The following INPP4B variants were observed in gnomAD, a reference collection of about 807,000 sequenced individuals.
The protein encoded by INPP4B is inositol polyphosphate-4-phosphatase type II B, also known as inositol polyphosphate 4-phosphatase type II.
Under a neutral mutation model 122.5 loss-of-function variants are expected in INPP4B, and 55 were observed. That is an observed-to-expected ratio of 0.45 (90% CI 0.36 to 0.56). The LOEUF is 0.56. Ranked by LOEUF, INPP4B falls within the 20% of genes least tolerant of loss-of-function variation. The pLI, the probability that INPP4B is intolerant of heterozygous loss-of-function variation, is 0.00. For synonymous variants in INPP4B, 403 were observed against 388.7 expected (o/e 1.04, Z -0.43); for missense variants, 1,000 against 1,097.7 (o/e 0.91, Z 1.26).
chr4:142,159,401 T>C (rs1200622005), intron 17 of INPP4B, among the ~76,000 whole-genome samples: 1 of 152,032 alleles, frequency 6.6e-6, no homozygotes, highest in African/African-American at 2.4e-5. Flanking sequence ...AGCCCACCTC[T>C]GTCATTTTTG....
intron 2 of INPP4B, among the ~76,000 whole-genome samples, chr4:142,631,922 G>C (rs1348527285): frequency 6.6e-6 from 1 of 151,890 alleles, no homozygotes; most frequent in African/African-American, 2.4e-5. Context: ...CAGAAGCATG[G>C]TTGTGAAAGG....
At chr4:142,666,665 G>A (rs1179288581) in intron 2 of INPP4B, among the ~76,000 whole-genome samples, 3 of 152,092 alleles carry the variant, frequency 2.0e-5, no homozygotes, top group Admixed American at 2.0e-4. Context: ...ACATGTGTGT[G>A]TGTGTGTGTA....
chr4:142,536,831 C>T (rs1352846009), intron 2 of INPP4B, among the ~76,000 whole-genome samples: 2 of 152,090 alleles, frequency 1.3e-5, no homozygotes, highest in Admixed American at 1.3e-4. Flanking sequence ...CTTACTCTGT[C>T]ACCAGGCTGG....
intron 2 of INPP4B, among the ~76,000 whole-genome samples, chr4:142,465,849 G>T (rs11729317): frequency 6.6e-6 from 1 of 152,086 alleles, no homozygotes; most frequent in African/African-American, 2.4e-5. Flanking sequence ...CTCCTCCCCA[G>T]CTTGCTCCCT....
chr4:142,797,028 AAAAGAG>A (rs1269853473), intron 1 of INPP4B, among the ~76,000 whole-genome samples: 3 of 152,096 alleles, frequency 2.0e-5, no homozygotes, highest in Admixed American at 2.0e-4. Context: ...TTGCCACCGT[AAAAGAG>A]AAAGACAAAT....
intron 2 of INPP4B, among the ~76,000 whole-genome samples, chr4:142,611,097 T>C (rs2150337721): frequency 6.6e-6 from 1 of 152,258 alleles, no homozygotes; most frequent in East Asian, 1.9e-4. Flanking sequence ...CAGGAAACTT[T>C]CAATCATGGC....
chr4:142,041,690 T>C (rs1497137), intron 25 of INPP4B, among the ~76,000 whole-genome samples: 31,693 of 152,108 alleles, frequency 0.21, 5,628 homozygotes, highest in African/African-American at 0.48. Flanking sequence ...AGTTCTTACA[T>C]AGACAGTGAG....
At chr4:142,228,241 A>C (rs1200851017) in intron 12 of INPP4B, among the ~76,000 whole-genome samples, 1 of 152,088 alleles carries the variant, frequency 6.6e-6, no homozygotes, top group Non-Finnish European at 1.5e-5. Context: ...TACAGATAAA[A>C]AGAAAAAATT....
intron 12 of INPP4B, among the ~76,000 whole-genome samples, chr4:142,213,839 G>C (rs770018868): frequency 1.3e-5 from 2 of 152,136 alleles, no homozygotes; most frequent in Non-Finnish European, 2.9e-5. Context: ...CAACATGTCA[G>C]GCTGACCCAT....
At chr4:142,327,568 G>A (rs906636357) in intron 7 of INPP4B, among the ~76,000 whole-genome samples, 1 of 152,114 alleles carries the variant, frequency 6.6e-6, no homozygotes, top group African/African-American at 2.4e-5. Context: ...TGTCACAATA[G>A]TTTCTTTCTC....
At chr4:142,815,161 C>A (rs1779970058) in intron 1 of INPP4B, among the ~76,000 whole-genome samples, 1 of 152,124 alleles carries the variant, frequency 6.6e-6, no homozygotes, top group African/African-American at 2.4e-5. Context: ...CTACAAGATG[C>A]CTGGACTGGT....
intron 9 of INPP4B, among the ~76,000 whole-genome samples, chr4:142,299,856 T>C (rs1444504783): frequency 6.6e-6 from 1 of 150,920 alleles, no homozygotes; most frequent in Non-Finnish European, 1.5e-5. Flanking sequence ...TTATGCCAAA[T>C]ACACATGACT....
chr4:142,501,796 G>A (rs1823406645), intron 2 of INPP4B, among the ~76,000 whole-genome samples: 1 of 151,914 alleles, frequency 6.6e-6, no homozygotes, highest in South Asian at 2.1e-4. Flanking sequence ...CCAGAAGTTG[G>A]AAAACAAAGA....
intron 2 of INPP4B, among the ~76,000 whole-genome samples, chr4:142,638,191 C>T (rs991717851): frequency 6.6e-6 from 1 of 152,112 alleles, no homozygotes; most frequent in Non-Finnish European, 1.5e-5. Context: ...GCAGAAATTT[C>T]AGTTTAGTAA....
intron 19 of INPP4B, among the ~76,000 whole-genome samples, chr4:142,123,972 A>C (rs1010528298): frequency 6.6e-6 from 1 of 152,054 alleles, no homozygotes; most frequent in East Asian, 1.9e-4. Flanking sequence ...TGTCCTGTCT[A>C]TAAAACTCAG....
At chr4:142,425,739 G>T (rs1306677906) in intron 5 of INPP4B, among the ~76,000 whole-genome samples, 1 of 151,838 alleles carries the variant, frequency 6.6e-6, no homozygotes, top group Non-Finnish European at 1.5e-5. Flanking sequence ...CTATCCAGTG[G>T]CCTCGTCTTT....
At chr4:142,691,578 T>G (rs1760184436) in intron 2 of INPP4B, among the ~76,000 whole-genome samples, 1 of 152,072 alleles carries the variant, frequency 6.6e-6, no homozygotes. Context: ...ACAACCCAGA[T>G]TTAGAAAAAA....
At chr4:142,656,934 C>A (rs565721533) in intron 2 of INPP4B, among the ~76,000 whole-genome samples, 259 of 152,278 alleles carry the variant, frequency 1.7e-3, no homozygotes, top group Middle Eastern at 6.8e-3. Context: ...GTGCTTTACA[C>A]GTCTGTATGG....
intron 10 of INPP4B, among the ~76,000 whole-genome samples, chr4:142,268,348 G>GAAAAAAAAAAAAAAAAAAAAAA (rs1383781390): frequency 2.4e-3 from 65 of 26,786 alleles, no homozygotes; most frequent in Non-Finnish European, 5.4e-3. Context: ...AAAAAAAAAT[G>GAAAAAAAAAAAAAAAAAAAAAA]AGGGGTAAGT....
Sources: gnomAD v4.1 joint callset for allele counts (sites outside exome capture counted in the v4.1 genomes callset) on GRCh38, gnomAD v4.1.1 for gene constraint, MANE v1.5 for transcripts, NCBI Gene and HGNC (gene_info 2026-07-23, HGNC 2026-07-21) for gene names.